Variants in NIN observed in about 807,000 individuals in gnomAD.
The protein encoded by NIN is glycogen synthase kinase 3 beta-interacting protein.
A neutral mutation model predicts 257.6 loss-of-function variants in NIN; 137 were observed. That is an observed-to-expected ratio of 0.53 (90% CI 0.46 to 0.61). The LOEUF (loss-of-function observed/expected upper bound fraction) is 0.61, where lower values mean the gene tolerates loss of function less well. Among genes scored for constraint, NIN ranks in the 20% least tolerant of loss-of-function variants. The pLI is 0.00. For missense variants in NIN, 2,439 were observed against 2,501.2 expected (o/e 0.98, Z 0.53); for synonymous variants, 918 against 919.8 (o/e 1.00, Z 0.04).
intron 28 of NIN, among the ~76,000 whole-genome samples, chr14:50,730,503 C>T: frequency 6.6e-6 from 1 of 151,982 alleles, no homozygotes; most frequent in Non-Finnish European, 1.5e-5. Flanking sequence ...AGCGGCACCT[C>T]CAGGCTTGTG....
At chr14:50,793,550 T>C (rs2043696291) in intron 4 of NIN, among the ~76,000 whole-genome samples, 1 of 152,230 alleles carries the variant, frequency 6.6e-6, no homozygotes, top group Admixed American at 6.5e-5. Flanking sequence ...AATTGTATTA[T>C]TTTATCTCTT....
chr14:50,817,164 T>C (rs1326029228), intron 3 of NIN, among the ~76,000 whole-genome samples: 1 of 152,180 alleles, frequency 6.6e-6, no homozygotes, highest in Admixed American at 6.5e-5. Flanking sequence ...CTAGCCTCCC[T>C]TCCACAAATC....
chr14:50,736,273 C>T (rs1312319169), intron 27 of NIN, among the ~76,000 whole-genome samples: 2 of 151,996 alleles, frequency 1.3e-5, no homozygotes, highest in Non-Finnish European at 2.9e-5. Context: ...GCTGGGACTA[C>T]AGGTGTGCAC....
In NIN at chr14:50,763,727, T is replaced by G. The variant is rs117261593; in HGVS notation, c.1774+99A>C. On this transcript the variant is annotated intron_variant, in intron 15 of 30. Transcript: ENST00000530997. ...ATGGCCAAATTCTTTTTTTTTTTTT[T>G]CTTTTTTCAAGTTGCCAAAGCTTTG... The G allele has an allele frequency of 0.11, 110,918 of 970,610 alleles. 11,082 individuals are homozygous for G. Among genetic ancestry groups the G allele is most frequent in the East Asian group, 0.48 (19,032 of 39,252 alleles). The allele number at this position is 970,610 out of a possible 1,614,324, so 60.1% of individuals were successfully genotyped here. A position where few individuals can be genotyped will look rare whatever the true frequency, so the allele number is the denominator to read the frequency against.
rs2040935670 is a variant in NIN, at chr14:50,735,584, C to T, written c.5809G>A (p.Glu1937Lys). 1 of 1,612,384 alleles carries T rather than the reference C, an allele frequency of 6.2e-7. No individual in the cohort carries two copies. Among genetic ancestry groups the T allele is most frequent in the Non-Finnish European group, 8.5e-7 (1 of 1,179,944 alleles). Reference protein sequence around the residue: ...SQMNSLEQELETIHLENEGLK... With the variant: ...SQMNSLEQELKTIHLENEGLK... ...CCTTCATTTTCCAAATGAATTGTTT[C>T]TAATTCTTGTTCAAGGGAATTCATC... Residue 1937 changes from glutamate (E) to lysine (K), a missense_variant, in exon 28 of 31, where the codon GAA (glutamate) becomes AAA (lysine). By Grantham distance (56) the Glu-to-Lys change is moderately conservative. This residue lies in a region of NIN where 2,043 missense variants were observed against 2,050.2 expected (regional missense o/e 1.00). Coordinates refer to ENST00000530997, the MANE Select transcript of NIN (RefSeq NM_020921.4).
At chr14:50,816,447 C>T (rs2044900012) in intron 3 of NIN, among the ~76,000 whole-genome samples, 1 of 152,324 alleles carries the variant, frequency 6.6e-6, no homozygotes, top group South Asian at 2.1e-4. Context: ...TAACTGTATA[C>T]TATCTCCATG....
In NIN at chr14:50,735,562, T is replaced by A. The variant is rs781122251; in HGVS notation, c.5831A>T (p.Glu1944Val). 2.4e-5 allele frequency: 39 copies of A among 1,612,962 alleles called. No homozygotes were observed. The highest frequency in any genetic ancestry group is 3.3e-5 in the Non-Finnish European group (39 of 1,180,024). The stretch of plus-strand genomic sequence containing the variant: ...TTTTACTTGTTTCTTTTTCAGGCCT[T>A]CATTTTCCAAATGAATTGTTTCTAA... ...QELETIHLEN[E>V]GLKKKQVKLD... The change falls in exon 28 of 31, where the codon GAA (glutamate) becomes GTA (valine). Residue 1944 changes from glutamate (E) to valine (V), a missense_variant. Around this residue, in one of 3 missense-constraint regions of NIN, gnomAD observed 2,043 missense variants for 2,050.2 expected, o/e 1.00. Coordinates refer to ENST00000530997, the MANE Select transcript of NIN (RefSeq NM_020921.4).
rs2042489299 is a variant in NIN at position 50,766,402 on chromosome 14, A to AG, written c.1546-7dup. 6.2e-7 allele frequency: 1 copy of AG among 1,613,872 alleles called. No individual in the cohort carries two copies. Among genetic ancestry groups the AG allele is most frequent in the Non-Finnish European group, 8.5e-7 (1 of 1,179,784 alleles). On this transcript the variant is annotated splice_polypyrimidine_tract_variant and splice_region_variant and intron_variant, in intron 13 of 30. Coordinates refer to ENST00000530997, the MANE Select transcript of NIN (RefSeq NM_020921.4). ...CTAGGATCGAGGTCACCAAACTAGA[A>AG]GGGGAAAAGGGCAAAGCTGTCATTT...
chr14:50,765,618 T>C (rs2042448913), intron 14 of NIN, among the ~76,000 whole-genome samples: 1 of 152,040 alleles, frequency 6.6e-6, no homozygotes, highest in Admixed American at 6.5e-5. Context: ...TTCTTGTTAC[T>C]TGTAAAAATG....
chr14:50,780,026 T>C (rs1399343435), intron 5 of NIN, among the ~76,000 whole-genome samples: 1 of 152,246 alleles, frequency 6.6e-6, no homozygotes, highest in Non-Finnish European at 1.5e-5. Context: ...ATTTGTGTAC[T>C]GCATAAAAGT....
At chr14:50,782,682 TCTCA>T (rs776319516) in intron 5 of NIN, among the ~76,000 whole-genome samples, 2 of 152,242 alleles carry the variant, frequency 1.3e-5, no homozygotes, top group Non-Finnish European at 2.9e-5. Flanking sequence ...TAGGTACAAC[TCTCA>T]CTATTTATTT....
intron 4 of NIN, among the ~76,000 whole-genome samples, chr14:50,802,976 T>A (rs1201907864): frequency 6.6e-6 from 1 of 152,222 alleles, no homozygotes; most frequent in African/African-American, 2.4e-5. Context: ...CCCCTTTTAT[T>A]TTCAGTCTCC....
chr14:50,772,330 C>T lies in NIN; in HGVS notation c.952G>A (p.Gly318Ser). 1 of 1,612,620 alleles carries T rather than the reference C, an allele frequency of 6.2e-7. No homozygotes were observed. Among genetic ancestry groups the T allele is most frequent in the Non-Finnish European group, 8.5e-7 (1 of 1,178,810 alleles). ...ERILDTWQEEGIENSQEILKA... is the reference protein window; with the variant it reads ...ERILDTWQEESIENSQEILKA... ...AGGATCTCCTGGCTGTTCTCAATGC[C>T]CTCTTCCTGCCAGGTGTCCAGTATT... is the stretch of plus-strand genomic sequence containing the variant. The change falls in exon 9 of 31, where the codon GGC becomes AGC. Residue 318 changes from glycine to serine, a missense_variant. By Grantham distance (56) the Gly-to-Ser change is moderately conservative. Coordinates refer to ENST00000530997, the MANE Select transcript of NIN (RefSeq NM_020921.4).
chr14:50,819,100 TA>T (rs1436898107), intron 3 of NIN, among the ~76,000 whole-genome samples: 8 of 152,192 alleles, frequency 5.3e-5, no homozygotes, highest in Non-Finnish European at 1.2e-4. Flanking sequence ...TAATTCAGCC[TA>T]AGTCAACATA....
chr14:50,793,997 G>T (rs2043719820), intron 4 of NIN, among the ~76,000 whole-genome samples: 1 of 152,142 alleles, frequency 6.6e-6, no homozygotes. Flanking sequence ...AGCAAGGTAT[G>T]TCTGAACTCA....
intron 3 of NIN, among the ~76,000 whole-genome samples, chr14:50,818,417 G>A (rs1004832): frequency 6.6e-6 from 1 of 151,680 alleles, no homozygotes; most frequent in Non-Finnish European, 1.5e-5. Context: ...AGGAGATAGA[G>A]AGGTATGCAG....
intron 14 of NIN, 104 bp from the exon 15 acceptor site, chr14:50,764,068 G>T: frequency 1.0e-6 from 1 of 989,204 alleles, no homozygotes; most frequent in Non-Finnish European, 1.6e-6. Context: ...AAAATCTTTT[G>T]TGCTTCAAAG....
At chr14:50,768,842 A>C (rs1254855629) in intron 12 of NIN, among the ~76,000 whole-genome samples, 1 of 152,220 alleles carries the variant, frequency 6.6e-6, no homozygotes, top group Non-Finnish European at 1.5e-5. Context: ...ATTAGCTGAG[A>C]CATCATGATG....
At chr14:50,730,433 C>T (rs2040634508) in intron 28 of NIN, among the ~76,000 whole-genome samples, 1 of 152,086 alleles carries the variant, frequency 6.6e-6, no homozygotes, top group Non-Finnish European at 1.5e-5. Flanking sequence ...TGAGGCAGGC[C>T]ACCTCACATC....
Sources: allele counts gnomAD v4.1 joint callset (sites outside exome capture counted in the v4.1 genomes callset), GRCh38; gene constraint gnomAD v4.1.1; regional missense constraint gnomAD v4.1.1; transcripts MANE v1.5; gene names NCBI Gene and HGNC (gene_info 2026-07-23, HGNC 2026-07-21).